The following LRRC4C variants were observed in gnomAD, a reference collection of about 807,000 sequenced individuals.
The protein encoded by LRRC4C is leucine rich repeat containing 4C.
A neutral mutation model predicts 33.6 loss-of-function variants in LRRC4C; 5 were observed. The observed-to-expected ratio is 0.15, with a 90% CI of 0.08 to 0.31. The LOEUF is 0.31. Ranked by LOEUF, LRRC4C falls within the 10% of genes least tolerant of loss-of-function variation. The probability of loss-of-function intolerance (pLI) is 1.00; values close to 1 mark genes in which losing one functional copy is unlikely to be tolerated. For missense variants in LRRC4C, 560 were observed against 796.7 expected (o/e 0.70, Z 3.58); for synonymous variants, 329 against 302.0 (o/e 1.09, Z -0.93).
intron 1 of LRRC4C, among the ~76,000 whole-genome samples, chr11:41,111,102 A>G (rs1294941985): frequency 1.3e-5 from 2 of 152,110 alleles, no homozygotes; most frequent in Non-Finnish European, 2.9e-5. Context: ...CCACTAATAG[A>G]TGAGAAAGGC....
intron 3 of LRRC4C, among the ~76,000 whole-genome samples, chr11:40,506,743 T>A (rs1955055629): frequency 6.6e-6 from 1 of 152,142 alleles, no homozygotes; most frequent in Non-Finnish European, 1.5e-5. Context: ...TAATGCCTTA[T>A]AATTTCATAG....
At chr11:41,339,284 C>T (rs1302555800) in intron 1 of LRRC4C, among the ~76,000 whole-genome samples, 1 of 152,140 alleles carries the variant, frequency 6.6e-6, no homozygotes, top group African/African-American at 2.4e-5. Context: ...TAGCCCTGCC[C>T]TTGAATAAGT....
intron 1 of LRRC4C, among the ~76,000 whole-genome samples, chr11:41,115,835 A>G (rs189798932): frequency 1.3e-5 from 2 of 152,192 alleles, no homozygotes; most frequent in Admixed American, 1.3e-4. Flanking sequence ...TCATTATTGC[A>G]GCCTTGTTTC....
At chr11:40,975,808 C>T (rs905860335) in intron 1 of LRRC4C, among the ~76,000 whole-genome samples, 1 of 152,136 alleles carries the variant, frequency 6.6e-6, no homozygotes, top group Non-Finnish European at 1.5e-5. Flanking sequence ...AAAATATGTT[C>T]CCTCTCAATC....
intron 2 of LRRC4C, among the ~76,000 whole-genome samples, chr11:40,822,639 G>T (rs1175561042): frequency 2.0e-5 from 3 of 151,660 alleles, no homozygotes; most frequent in African/African-American, 4.8e-5. Context: ...TCTTCACTTT[G>T]TTGGTGGTTT....
intron 1 of LRRC4C, among the ~76,000 whole-genome samples, chr11:40,982,631 C>T (rs184113547): frequency 4.1e-4 from 63 of 152,188 alleles, no homozygotes; most frequent in African/African-American, 1.7e-4. Flanking sequence ...AGAAATTAGA[C>T]TAGAATTATC....
At chr11:40,254,866 T>C (rs566006870) in intron 4 of LRRC4C, among the ~76,000 whole-genome samples, 1 of 152,168 alleles carries the variant, frequency 6.6e-6, no homozygotes, top group Non-Finnish European at 1.5e-5. Flanking sequence ...TAAAGTGCAG[T>C]GGTCCAATTA....
At chr11:40,397,441 G>C (rs546170992) in intron 3 of LRRC4C, among the ~76,000 whole-genome samples, 1 of 152,212 alleles carries the variant, frequency 6.6e-6, no homozygotes, top group African/African-American at 2.4e-5. Flanking sequence ...TAAAAACTTA[G>C]AGACTGAAAT....
intron 1 of LRRC4C, among the ~76,000 whole-genome samples, chr11:41,360,959 G>T (rs930984908): frequency 4.6e-5 from 7 of 152,048 alleles, no homozygotes; most frequent in Non-Finnish European, 7.4e-5. Context: ...AGGCATCATG[G>T]CATTAATAAG....
chr11:41,369,853 G>A (rs2137767585), intron 1 of LRRC4C, among the ~76,000 whole-genome samples: 1 of 152,296 alleles, frequency 6.6e-6, no homozygotes, highest in Non-Finnish European at 1.5e-5. Context: ...TAATGTGCAG[G>A]ATGGATTTGC....
intron 2 of LRRC4C, among the ~76,000 whole-genome samples, chr11:40,889,758 C>G (rs1012441068): frequency 6.6e-6 from 1 of 152,058 alleles, no homozygotes; most frequent in African/African-American, 2.4e-5. Context: ...GATATCGTCA[C>G]ATTCTGTTTA....
intron 1 of LRRC4C, among the ~76,000 whole-genome samples, chr11:41,435,320 G>A (rs1047885406): frequency 2.0e-5 from 3 of 152,066 alleles, no homozygotes; most frequent in South Asian, 2.1e-4. Flanking sequence ...CTGTTATTAC[G>A]GAAAACATCA....
chr11:40,563,940 A>T (rs1759436166), intron 3 of LRRC4C, among the ~76,000 whole-genome samples: 1 of 152,218 alleles, frequency 6.6e-6, no homozygotes, highest in African/African-American at 2.4e-5. Flanking sequence ...CCCATAAGTC[A>T]GGCCAATAAC....
chr11:40,924,277 A>G (rs1433456111), intron 2 of LRRC4C, among the ~76,000 whole-genome samples: 1 of 152,058 alleles, frequency 6.6e-6, no homozygotes, highest in East Asian at 1.9e-4. Context: ...CTAGTGTTCA[A>G]TTGAACACTT....
At chr11:40,799,623 C>A (rs566117450) in intron 2 of LRRC4C, among the ~76,000 whole-genome samples, 3 of 152,324 alleles carry the variant, frequency 2.0e-5, no homozygotes, top group Admixed American at 6.5e-5. Flanking sequence ...GCATGCAACA[C>A]CATGCCCGGC....
chr11:41,115,755 T>C (rs938341761), intron 1 of LRRC4C, among the ~76,000 whole-genome samples: 3 of 152,104 alleles, frequency 2.0e-5, no homozygotes, highest in African/African-American at 4.8e-5. Flanking sequence ...TCTCCCCGGA[T>C]TGTGCACTAA....
intron 3 of LRRC4C, among the ~76,000 whole-genome samples, chr11:40,503,027 A>G (rs1467736716): frequency 6.6e-6 from 1 of 152,130 alleles, no homozygotes; most frequent in Non-Finnish European, 1.5e-5. Flanking sequence ...TTTCACCTAG[A>G]TGTAAATTTA....
chr11:41,265,269 TGC>T (rs1031720185), intron 1 of LRRC4C, among the ~76,000 whole-genome samples: 4 of 152,074 alleles, frequency 2.6e-5, no homozygotes, highest in Non-Finnish European at 5.9e-5. Context: ...CTGCTCACTC[TGC>T]AGGTGAACAA....
At chr11:40,638,825 A>G (rs11035982) in intron 3 of LRRC4C, among the ~76,000 whole-genome samples, 29,797 of 149,002 alleles carry the variant, frequency 0.2, 3,399 homozygotes, top group East Asian at 0.47. Context: ...CTTCAAAAGT[A>G]GTTTAGCATC....
Sources: allele counts gnomAD v4.1 joint callset (sites outside exome capture counted in the v4.1 genomes callset), GRCh38; gene constraint gnomAD v4.1.1; transcripts MANE v1.5; gene names NCBI Gene and HGNC (gene_info 2026-07-23, HGNC 2026-07-21).